Variants in RTL4 observed in about 807,000 individuals in gnomAD.
The protein encoded by RTL4 is retrotransposon Gag like 4.
RTL4 carries 4 observed loss-of-function variants against 5.3 expected under a neutral mutation model. The observed-to-expected ratio is 0.75, with a 90% confidence interval of 0.37 to 1.72. The LOEUF (loss-of-function observed/expected upper bound fraction) is 1.72. Among genes scored for constraint, RTL4 ranks in the 40% most tolerant of loss-of-function variants. The pLI, the probability that RTL4 is intolerant of heterozygous loss-of-function variation, is 0.04. For synonymous variants in RTL4, 98 were observed against 87.3 expected, an observed-to-expected ratio of 1.12 and a Z score of -0.68; for missense variants, 260 against 227.1, an observed-to-expected ratio of 1.14 and a Z score of -0.93.
At chrX:112,284,350 A>C in the RTL4 span, among the ~76,000 whole-genome samples, 1 of 110,368 alleles carries the variant, frequency 9.1e-6, no homozygotes, top group African/African-American at 3.3e-5. Flanking sequence ...GGGTTGTGTG[A>C]CTATGGGTAA....
the RTL4 span, among the ~76,000 whole-genome samples, chrX:112,441,109 C>T: frequency 1.8e-5 from 2 of 111,382 alleles, no homozygotes; most frequent in Non-Finnish European, 3.8e-5. Flanking sequence ...TTATCTGGTG[C>T]ATGAATCTGC....
At chrX:112,347,454 G>A in the RTL4 span, among the ~76,000 whole-genome samples, 1 of 111,224 alleles carries the variant, frequency 9.0e-6, no homozygotes, top group Non-Finnish European at 1.9e-5. Context: ...GAGAACGTAC[G>A]CAAAGATAGT....
chrX:112,352,459 G>C, the RTL4 span, among the ~76,000 whole-genome samples: 13 of 111,305 alleles, frequency 1.2e-4, no homozygotes, highest in African/African-American at 3.3e-4. Context: ...ACCAAAACAG[G>C]ATGGTACTGG....
chrX:112,296,042 G>T, the RTL4 span, among the ~76,000 whole-genome samples: 9 of 111,876 alleles, frequency 8.0e-5, no homozygotes, highest in Admixed American at 8.5e-4. Context: ...GCAGAGAGGG[G>T]ATAGGATGAA....
the RTL4 span, among the ~76,000 whole-genome samples, chrX:112,084,998 A>G: frequency 8.9e-6 from 1 of 112,692 alleles, no homozygotes; most frequent in African/African-American, 3.2e-5. Context: ...AAAGCACCAT[A>G]CAAATGCCAG....
At chrX:112,288,275 C>T in the RTL4 span, among the ~76,000 whole-genome samples, 2 of 112,184 alleles carry the variant, frequency 1.8e-5, no homozygotes, top group East Asian at 5.6e-4. Context: ...TGCCAGGTTG[C>T]TAGTGAGAGA....
At chrX:112,355,444 A>AT in the RTL4 span, among the ~76,000 whole-genome samples, 3 of 111,280 alleles carry the variant, frequency 2.7e-5, no homozygotes, top group African/African-American at 6.5e-5. Context: ...GGACATGTAT[A>AT]TTTTTTCTTT....
chrX:112,180,718 C>T, the RTL4 span, among the ~76,000 whole-genome samples: 1 of 111,756 alleles, frequency 8.9e-6, no homozygotes, highest in African/African-American at 3.3e-5. Context: ...AATACCTTTT[C>T]CCCCCAGTTT....
At chrX:112,238,536 A>G in the RTL4 span, among the ~76,000 whole-genome samples, 1 of 111,583 alleles carries the variant, frequency 9.0e-6, no homozygotes, top group Non-Finnish European at 1.9e-5. Context: ...TTCTTTTTCT[A>G]GATAAGATGG....
the RTL4 span, among the ~76,000 whole-genome samples, chrX:112,426,922 G>A: frequency 9.0e-6 from 1 of 110,728 alleles, no homozygotes; most frequent in Admixed American, 9.7e-5. Context: ...GCCTGTATCT[G>A]TTAAAAAAAT....
At chrX:112,287,045 G>C in the RTL4 span, among the ~76,000 whole-genome samples, 4 of 111,656 alleles carry the variant, frequency 3.6e-5, no homozygotes, top group East Asian at 5.6e-4. Flanking sequence ...TTTAATATCT[G>C]TCTGCCTCAC....
chrX:112,090,094 C>T, the RTL4 span, among the ~76,000 whole-genome samples: 1 of 110,338 alleles, frequency 9.1e-6, no homozygotes, highest in African/African-American at 3.3e-5. Context: ...TGCAACTTTG[C>T]CAAATTTTTT....
the RTL4 span, among the ~76,000 whole-genome samples, chrX:112,108,642 G>T: frequency 1.8e-5 from 2 of 111,447 alleles, no homozygotes; most frequent in Non-Finnish European, 3.8e-5. Flanking sequence ...TATCCTTGGG[G>T]GCTTGCCTGA....
At chrX:112,301,422 G>T in the RTL4 span, among the ~76,000 whole-genome samples, 109 of 111,237 alleles carry the variant, frequency 9.8e-4, no homozygotes, top group Non-Finnish European at 1.7e-3. Flanking sequence ...CATAGTAAAT[G>T]CTCTACATAG....
the RTL4 span, among the ~76,000 whole-genome samples, chrX:112,181,876 C>T: frequency 8.9e-6 from 1 of 111,905 alleles, no homozygotes; most frequent in Non-Finnish European, 1.9e-5. Context: ...ACCCGTGCTC[C>T]TCCTGACTGG....
the RTL4 span, among the ~76,000 whole-genome samples, chrX:112,363,706 T>A: frequency 1.1e-4 from 12 of 111,544 alleles, no homozygotes; most frequent in Non-Finnish European, 1.5e-4. Context: ...TTTGCTGCTA[T>A]TTTTTAAAAA....
the RTL4 span, among the ~76,000 whole-genome samples, chrX:112,396,257 C>G: frequency 1.8e-5 from 2 of 110,674 alleles, no homozygotes; most frequent in South Asian, 7.8e-4. Flanking sequence ...TGTGCTGTCC[C>G]TCTCCCAAAT....
the RTL4 span, among the ~76,000 whole-genome samples, chrX:112,179,939 T>C: frequency 9.0e-6 from 1 of 111,178 alleles, no homozygotes; most frequent in Non-Finnish European, 1.9e-5. Flanking sequence ...GGTTTATTCT[T>C]TGTTGGATGT....
the RTL4 span, among the ~76,000 whole-genome samples, chrX:112,445,726 T>C: frequency 8.9e-6 from 1 of 111,762 alleles, no homozygotes; most frequent in East Asian, 2.8e-4. Context: ...TTCCAGAATA[T>C]CCATGCTCAG....
Sources: allele counts gnomAD v4.1 joint callset (sites outside exome capture counted in the v4.1 genomes callset), GRCh38; gene constraint gnomAD v4.1.1; transcripts MANE v1.5; gene names NCBI Gene and HGNC (gene_info 2026-07-23, HGNC 2026-07-21).